Variants in USP3 observed in about 807,000 individuals in gnomAD.
The protein encoded by USP3 is ubiquitin specific peptidase 3.
USP3 carries 20 observed loss-of-function variants against 72.3 expected under a neutral mutation model. The ratio of observed to expected loss-of-function variants is 0.28; its 90% confidence interval spans 0.19 to 0.40. USP3 has a LOEUF of 0.40. Among genes scored for constraint, USP3 ranks in the 10% least tolerant of loss-of-function variants. USP3 has a pLI of 1.00. For missense variants in USP3, 479 were observed against 633.9 expected (o/e 0.76, Z 2.62); for synonymous variants, 222 against 225.3 (o/e 0.99, Z 0.13).
intron 11 of USP3, among the ~76,000 whole-genome samples, chr15:63,583,122 A>G (rs919584669): frequency 4.6e-5 from 7 of 151,834 alleles, no homozygotes; most frequent in African/African-American, 1.5e-4. Flanking sequence ...AGGGGGGGGA[A>G]AAAGGCTTCT....
chr15:63,540,599 G>C (rs936250886), intron 3 of USP3, among the ~76,000 whole-genome samples: 5 of 152,282 alleles, frequency 3.3e-5, no homozygotes, highest in Non-Finnish European at 5.9e-5. Context: ...CATGATATAG[G>C]TGAACTACTT....
chr15:63,518,827 G>A (rs938454201), intron 1 of USP3, among the ~76,000 whole-genome samples: 3 of 151,874 alleles, frequency 2.0e-5, no homozygotes, highest in Admixed American at 6.6e-5. Context: ...GTGCAGTGGC[G>A]TGATCTCGGC....
chr15:63,521,646 C>A (rs940720660), intron 1 of USP3, among the ~76,000 whole-genome samples: 1 of 152,194 alleles, frequency 6.6e-6, no homozygotes. Context: ...AAGCAGTTAA[C>A]TGTTCCTTGT....
intron 3 of USP3, among the ~76,000 whole-genome samples, chr15:63,552,430 A>C (rs762098168): frequency 1.3e-5 from 2 of 152,132 alleles, no homozygotes; most frequent in Non-Finnish European, 2.9e-5. Context: ...CCAATGAAGA[A>C]TTTTTTCTCC....
chr15:63,566,678 T>G (rs1340904636), intron 8 of USP3, among the ~76,000 whole-genome samples: 1 of 152,210 alleles, frequency 6.6e-6, no homozygotes, highest in African/African-American at 2.4e-5. Flanking sequence ...TGAAAAGATT[T>G]TAAAATACTA....
At chr15:63,571,644 A>G (rs906841774) in intron 9 of USP3, among the ~76,000 whole-genome samples, 1 of 151,932 alleles carries the variant, frequency 6.6e-6, no homozygotes, top group African/African-American at 2.4e-5. Flanking sequence ...GGGCACTATC[A>G]TGGATAGGCT....
intron 1 of USP3, among the ~76,000 whole-genome samples, chr15:63,526,275 C>T (rs542508467): frequency 5.3e-5 from 8 of 152,188 alleles, no homozygotes; most frequent in East Asian, 1.9e-4. Context: ...GTTTCCTGGA[C>T]GACTGCTTTG....
chr15:63,569,109 G>C (rs1174094488), intron 8 of USP3, among the ~76,000 whole-genome samples: 1 of 152,034 alleles, frequency 6.6e-6, no homozygotes, highest in Non-Finnish European at 1.5e-5. Flanking sequence ...TTTGGGGAGA[G>C]AATGAAATTT....
chr15:63,530,946 T>C (rs2066065314), intron 1 of USP3, among the ~76,000 whole-genome samples: 2 of 152,202 alleles, frequency 1.3e-5, no homozygotes, highest in Admixed American at 1.3e-4. Context: ...TGTCATGTGG[T>C]TTACGTGCAC....
At position 63,570,558 on chromosome 15, in the gene USP3, C is replaced by G. The variant is rs776254070; in HGVS notation, c.887C>G (p.Ser296Cys). ...ATTCTGCAGGAGAATTCTACTCTGTCTGCAAGTAACAAGTGTTGCATGTAA... is the reference window on the plus strand; with the variant it reads ...ATTCTGCAGGAGAATTCTACTCTGTGTGCAAGTAACAAGTGTTGCATGTAA... Reference protein sequence around the residue: ...SAILQENSTLSASNKCCINGA... With the variant: ...SAILQENSTLCASNKCCINGA... The change falls in exon 9 of 15, where the codon TCT (serine) becomes TGT (cysteine). Residue 296 changes from serine to cysteine, a missense_variant. Ser to Cys is a moderately radical substitution (Grantham distance 112). Transcript: ENST00000380324. The surrounding 1 kb of genome is among the most constrained non-coding windows in gnomAD (Gnocchi z 4.4). The G allele has an allele frequency of 1.9e-6, 3 of 1,613,228 alleles. No individual in the cohort carries two copies. In the South Asian group the frequency reaches 3.3e-5, roughly 18 times the overall value.
At chr15:63,560,117 C>A in intron 7 of USP3, 147 bp downstream of exon 7, 1 of 723,470 alleles carries the variant, frequency 1.4e-6, no homozygotes, top group Non-Finnish European at 2.2e-6. Flanking sequence ...AGTTAGCAAT[C>A]TTAATAATTG....
chr15:63,570,327 T>C lies in USP3; in HGVS notation c.762-106T>C, dbSNP rs1321262971. 10 of 1,454,914 alleles carry C rather than the reference T, an allele frequency of 6.9e-6. No homozygotes were observed. The Admixed American group carries it at 2.1e-4, about 31-fold the overall frequency. The allele number at this position is 1,454,914 out of a possible 1,614,324, so 90.1% of individuals were successfully genotyped here. A position where few individuals can be genotyped will look rare whatever the true frequency, so the allele number is the denominator to read the frequency against. On this transcript the variant is annotated intron_variant, in intron 8 of 14. Transcript: ENST00000380324. The surrounding 1 kb of genome is among the most constrained non-coding windows in gnomAD (Gnocchi z 4.4). Reference sequence around the variant, plus strand: ...AGGTGAGGAAGCCTGGCTGTGCTTGTGAGCACGGGGCTGCCGTCCTTTTCC... The same window carrying C: ...AGGTGAGGAAGCCTGGCTGTGCTTGCGAGCACGGGGCTGCCGTCCTTTTCC...
At chr15:63,547,847 A>AGG in intron 3 of USP3, among the ~76,000 whole-genome samples, 3 of 93,622 alleles carry the variant, frequency 3.2e-5, no homozygotes, top group Non-Finnish European at 4.4e-5. Flanking sequence ...GGAGGGAGGG[A>AGG]GAGAGAGAGA....
At chr15:63,558,731 T>C (rs992041361) in intron 6 of USP3, among the ~76,000 whole-genome samples, 4 of 151,376 alleles carry the variant, frequency 2.6e-5, no homozygotes, top group African/African-American at 9.7e-5. Flanking sequence ...AAAAATTAGC[T>C]GGGCGTGGTG....
chr15:63,558,014 C>G, intron 5 of USP3, 92 bp from the exon 6 acceptor site: 3 of 1,343,448 alleles, frequency 2.2e-6, no homozygotes, highest in Non-Finnish European at 3.2e-6. Context: ...TGGCTTGGTG[C>G]TAGATTTCAG....
chr15:63,550,002 T>C (rs1437118553), intron 3 of USP3, among the ~76,000 whole-genome samples: 1 of 152,214 alleles, frequency 6.6e-6, no homozygotes, highest in Non-Finnish European at 1.5e-5. Context: ...TTTGTGCATA[T>C]GTACTGAACA....
In USP3 at chr15:63,529,085, G is replaced by C; in HGVS notation, c.92-3562G>C. The C allele has an allele frequency of 7.8e-7, 1 of 1,280,448 alleles. No homozygotes were observed. Among genetic ancestry groups the C allele is most frequent in the Non-Finnish European group, 1.0e-6 (1 of 980,962 alleles). The allele number at this position is 1,280,448 out of a possible 1,614,324, so 79.3% of individuals were successfully genotyped here. A position where few individuals can be genotyped will look rare whatever the true frequency, so the allele number is the denominator to read the frequency against. ...ACTGTATGTTGCCCAGGCTGGCCTCGAACTCTAGGCTCAAGTGATTCTTCT... is the reference window on the plus strand; with the variant it reads ...ACTGTATGTTGCCCAGGCTGGCCTCCAACTCTAGGCTCAAGTGATTCTTCT... On this transcript the variant is annotated intron_variant, in intron 1 of 14. Transcript: ENST00000380324. The surrounding 1 kb of genome is among the most constrained non-coding windows in gnomAD (Gnocchi z 4.2).
At chr15:63,509,431 C>G (rs929653611) in intron 1 of USP3, among the ~76,000 whole-genome samples, 8 of 152,064 alleles carry the variant, frequency 5.3e-5, no homozygotes, top group African/African-American at 1.7e-4. Context: ...AGTCAGTAAA[C>G]GTTGGCTGGA....
chr15:63,536,255 T>C (rs894009323), intron 2 of USP3, among the ~76,000 whole-genome samples: 2 of 152,204 alleles, frequency 1.3e-5, no homozygotes, highest in African/African-American at 4.8e-5. Flanking sequence ...TGAGAGGAGC[T>C]GATTATTCAG....
Sources: allele counts gnomAD v4.1 joint callset (sites outside exome capture counted in the v4.1 genomes callset), GRCh38; gene constraint gnomAD v4.1.1; non-coding constraint Gnocchi (gnomAD v3.1); transcripts MANE v1.5; gene names NCBI Gene and HGNC (gene_info 2026-07-23, HGNC 2026-07-21).